MAP3K3: variants seen among roughly 807,000 people sequenced by gnomAD.
The protein encoded by MAP3K3 is MAP/ERK kinase kinase 3.
Under a neutral mutation model 80.9 loss-of-function variants are expected in MAP3K3, and 12 were observed. That is an observed-to-expected ratio of 0.15 (90% CI 0.10 to 0.24). MAP3K3 has a LOEUF of 0.24. MAP3K3 is among the 10% of genes least tolerant of loss of function. The pLI is 1.00. For synonymous variants in MAP3K3, 272 were observed against 307.1 expected (o/e 0.89, Z 1.19); for missense variants, 596 against 834.7 (o/e 0.71, Z 3.52).
chr17:63,631,834 T>A (rs1452683540), intron 1 of MAP3K3, among the ~76,000 whole-genome samples: 1 of 152,144 alleles, frequency 6.6e-6, no homozygotes, highest in African/African-American at 2.4e-5. Context: ...CCTATAAACT[T>A]GTAAAGAGTT....
chr17:63,650,818 A>C (rs2034640584), intron 3 of MAP3K3, among the ~76,000 whole-genome samples: 1 of 151,786 alleles, frequency 6.6e-6, no homozygotes, highest in Non-Finnish European at 1.5e-5. Context: ...CAGCCTCCCA[A>C]GTAGCTTAGA....
chr17:63,628,692 T>C (rs2034156366), intron 1 of MAP3K3, among the ~76,000 whole-genome samples: 3 of 152,290 alleles, frequency 2.0e-5, no homozygotes, highest in Non-Finnish European at 2.9e-5. Flanking sequence ...AACTTTGTAT[T>C]TGTGTGTTGT....
Position 63,691,216 on chromosome 17 carries a change from A to G in MAP3K3, c.1327A>G (p.Met443Val), listed in dbSNP as rs1488340717. The change falls in exon 13 of 16, where the codon ATG becomes GTG. Residue 443 changes from methionine to valine, a missense_variant. Physicochemically the swap from Met to Val is conservative, Grantham distance 21. Coordinates refer to ENST00000361733, the MANE Select transcript of MAP3K3 (RefSeq NM_002401.5). This position sits in a 1 kb window ranked among gnomAD's most constrained non-coding sequence, Gnocchi z 4.8. ...DRAEKTLTIFMEYMPGGSVKD... is the reference protein window; with the variant it reads ...DRAEKTLTIFVEYMPGGSVKD... ...CGCTGAGAAGACCCTGACCATCTTC[A>G]TGGAGTACATGCCAGGGGTACGTGC... 2 of 1,614,184 alleles carry G rather than the reference A, an allele frequency of 1.2e-6. No homozygotes were observed. The highest frequency in any genetic ancestry group is 2.2e-5 in the East Asian group (1 of 44,886).
intron 6 of MAP3K3, among the ~76,000 whole-genome samples, chr17:63,673,852 T>A (rs965970044): frequency 6.6e-6 from 1 of 152,064 alleles, no homozygotes; most frequent in East Asian, 1.9e-4. Context: ...AGAGGTTGCA[T>A]TGAGCCAAGA....
Position 63,694,010 on chromosome 17 carries a change from A to T in MAP3K3, c.*233A>T, listed in dbSNP as rs1598129548. ...CAGATCCAGGAGCTCCAGTGTCCTG[A>T]GCTCAGCGTGGAGGGGTAGGGGCTG... On this transcript the variant is annotated 3_prime_UTR_variant, in exon 16 of 16. Transcript: ENST00000361733. 1 of 502,834 alleles carries T rather than the reference A, an allele frequency of 2.0e-6. No homozygotes were observed. The highest frequency in any genetic ancestry group is 3.6e-5 in the East Asian group (1 of 27,968). 31.1% of individuals were successfully genotyped at this position (502,834 alleles called of 1,614,324 possible). A position where few individuals can be genotyped will look rare whatever the true frequency, so the allele number is the denominator to read the frequency against.
At chr17:63,690,940 A>G in intron 12 of MAP3K3, 162 bp from the exon 13 acceptor site, 1 of 813,790 alleles carries the variant, frequency 1.2e-6, no homozygotes, top group East Asian at 2.7e-5. Context: ...CCTGCCCAGC[A>G]TTGTGGCCAA....
intron 2 of MAP3K3, among the ~76,000 whole-genome samples, chr17:63,645,265 T>C (rs1439063369): frequency 6.6e-6 from 1 of 152,068 alleles, no homozygotes; most frequent in African/African-American, 2.4e-5. Context: ...ATTGTGCTAC[T>C]GCACTCCAAC....
chr17:63,623,283 A>AG (rs1010009519), intron 1 of MAP3K3, among the ~76,000 whole-genome samples: 1 of 152,134 alleles, frequency 6.6e-6, no homozygotes, highest in Non-Finnish European at 1.5e-5. Context: ...GCCCCAGCGC[A>AG]GGGGGGAGGG....
intron 1 of MAP3K3, among the ~76,000 whole-genome samples, chr17:63,625,657 A>C (rs1047690118): frequency 6.6e-6 from 1 of 152,200 alleles, no homozygotes; most frequent in Admixed American, 6.5e-5. Context: ...CTGACCACCT[A>C]TGTAGACTCT....
chr17:63,649,005 A>G (rs1192179336), intron 3 of MAP3K3, among the ~76,000 whole-genome samples: 3 of 152,256 alleles, frequency 2.0e-5, no homozygotes, highest in Non-Finnish European at 2.9e-5. Context: ...TAGTCTATCA[A>G]TGTTGCCCTG....
chr17:63,682,936 G>C (rs1398395561), intron 7 of MAP3K3, among the ~76,000 whole-genome samples: 1 of 152,200 alleles, frequency 6.6e-6, no homozygotes, highest in Non-Finnish European at 1.5e-5. Flanking sequence ...TACCACAGTG[G>C]CTCAGCCATT....
chr17:63,632,884 C>T, intron 2 of MAP3K3, 82 bp downstream of exon 2: 1 of 1,566,288 alleles, frequency 6.4e-7, no homozygotes, highest in Non-Finnish European at 8.7e-7. Context: ...GCCAAGGAGA[C>T]TACATTACCA....
intron 5 of MAP3K3, among the ~76,000 whole-genome samples, chr17:63,664,913 C>T (rs1169827043): frequency 1.3e-5 from 2 of 152,076 alleles, no homozygotes; most frequent in African/African-American, 2.4e-5. Context: ...TCCCTTTTGC[C>T]CCCTTAAATT....
chr17:63,641,966 T>C (rs16947016), intron 2 of MAP3K3, among the ~76,000 whole-genome samples: 2,588 of 152,262 alleles, frequency 0.017, 71 homozygotes, highest in African/African-American at 0.059. Flanking sequence ...CACCCACCAG[T>C]GTGAAATGCC....
At chr17:63,661,555 A>G (rs935402705) in intron 5 of MAP3K3, among the ~76,000 whole-genome samples, 5 of 152,242 alleles carry the variant, frequency 3.3e-5, no homozygotes, top group Non-Finnish European at 7.3e-5. Context: ...TCATAAAGTA[A>G]TATCAAGCTG....
At chr17:63,688,447 G>GGTGCC in intron 8 of MAP3K3, 80 bp from the exon 9 acceptor site, 1 of 1,134,154 alleles carries the variant, frequency 8.8e-7, no homozygotes, top group South Asian at 1.2e-5. Context: ...GCAGGGGTTA[G>GGTGCC]AAAGGGAGAC....
intron 6 of MAP3K3, among the ~76,000 whole-genome samples, chr17:63,667,612 G>A (rs1364592475): frequency 1.3e-5 from 2 of 152,092 alleles, no homozygotes; most frequent in Admixed American, 6.6e-5. Flanking sequence ...GGATGCCAAG[G>A]TCTGTGGATG....
chr17:63,660,387 ATTGT>A (rs2143411496), intron 5 of MAP3K3, among the ~76,000 whole-genome samples: 1 of 148,368 alleles, frequency 6.7e-6, no homozygotes, highest in East Asian at 2.0e-4. Flanking sequence ...TTTTTTTTTA[ATTGT>A]TTGTAGAGAC....
At chr17:63,686,146 G>C (rs2035444613) in intron 8 of MAP3K3, among the ~76,000 whole-genome samples, 1 of 152,128 alleles carries the variant, frequency 6.6e-6, no homozygotes, top group African/African-American at 2.4e-5. Flanking sequence ...CCTTGGCATT[G>C]ATCTTGCCAC....
Sources: gnomAD v4.1 joint callset for allele counts (sites outside exome capture counted in the v4.1 genomes callset) on GRCh38, gnomAD v4.1.1 for gene constraint, Gnocchi (gnomAD v3.1) non-coding constraint, MANE v1.5 for transcripts, NCBI Gene and HGNC (gene_info 2026-07-23, HGNC 2026-07-21) for gene names.